NICN1: variants seen among roughly 807,000 people sequenced by gnomAD.
NICN1 encodes the protein nicolin-1.
Under a neutral mutation model 26.3 loss-of-function variants are expected in NICN1, and 18 were observed. That is an observed-to-expected ratio of 0.68 (90% CI 0.47 to 1.01). The LOEUF (loss-of-function observed/expected upper bound fraction) is 1.01, where lower values mean the gene tolerates loss of function less well. Ranked by LOEUF, NICN1 falls within the 50% of genes least tolerant of loss-of-function variation. The probability of loss-of-function intolerance (pLI) is 0.00; values close to 1 mark genes in which losing one functional copy is unlikely to be tolerated. For synonymous variants in NICN1, 109 were observed against 111.0 expected (o/e 0.98, Z 0.11); for missense variants, 239 against 278.3 (o/e 0.86, Z 1.00).
rs1307600684 is a variant in NICN1, at chr3:49,423,393, A to T, written c.*1440T>A. On this transcript the variant is annotated 3_prime_UTR_variant, in exon 6 of 6. Coordinates refer to ENST00000273598, the MANE Select transcript of NICN1 (RefSeq NM_032316.3). ...GCAGGACTTAGGCCTCTTAAAAGGC[A>T]ACAATGAGAACCCTTACTTGGACCC... is the stretch of plus-strand genomic sequence containing the variant. The T allele has an allele frequency of 6.6e-6, 1 of 152,300 alleles. No individual in the cohort carries two copies. The highest frequency in any genetic ancestry group is 2.4e-5 in the African/African-American group (1 of 41,472). The allele number at this position is 152,300 out of a possible 1,614,324, so 9.4% of individuals were successfully genotyped here. A position where few individuals can be genotyped will look rare whatever the true frequency, so the allele number is the denominator to read the frequency against.
At position 49,422,679 on chromosome 3, in the gene NICN1, G is replaced by A. The variant is rs995861547; in HGVS notation, c.*2154C>T. ...TTCGGCTGACTCTTCAGGGCAGCTC[G>A]GGCAATCCAGAGCTGATTGGGCTGC... is the stretch of plus-strand genomic sequence containing the variant. On this transcript the variant is annotated 3_prime_UTR_variant, in exon 6 of 6. Coordinates refer to ENST00000273598, the MANE Select transcript of NICN1 (RefSeq NM_032316.3). 9 of 681,806 alleles carry A rather than the reference G, an allele frequency of 1.3e-5. No homozygotes were observed. The highest frequency in any genetic ancestry group is 2.8e-5 in the East Asian group (1 of 35,996). The allele number at this position is 681,806 out of a possible 1,614,324, so 42.2% of individuals were successfully genotyped here.
intron 2 of NICN1, 99 bp downstream of exon 2, chr3:49,426,153 A>G (rs1175333645): frequency 1.1e-5 from 14 of 1,323,488 alleles, no homozygotes; most frequent in African/African-American, 1.4e-5. Context: ...AGTTCAGGCC[A>G]GACTGGCCCC....
chr3:49,422,501 G>A lies in NICN1; in HGVS notation c.*2332C>T. 3 of 1,569,912 alleles carry A rather than the reference G, an allele frequency of 1.9e-6. No homozygotes were observed. The highest frequency in any genetic ancestry group is 2.6e-6 in the Non-Finnish European group (3 of 1,146,922). On this transcript the variant is annotated 3_prime_UTR_variant, in exon 6 of 6. Coordinates refer to ENST00000273598, the MANE Select transcript of NICN1 (RefSeq NM_032316.3). ...CGCACAGAGGCCACCACACTGCCAG[G>A]CACGCCGGGAGATGTAGTCCAGGCC...
chr3:49,429,250 G>C lies in NICN1; in HGVS notation c.-11C>G, dbSNP rs765648502. On this transcript the variant is annotated 5_prime_UTR_variant, in exon 1 of 6. Transcript: ENST00000273598. ...CAAAACGCGGGACATGGTGACAGCA[G>C]CCGCAACTAAGTGCAACCGCCGCTC... 2 of 1,590,784 alleles carry C rather than the reference G, an allele frequency of 1.3e-6. No individual in the cohort carries two copies. The highest frequency in any genetic ancestry group is 1.7e-6 in the Non-Finnish European group (2 of 1,167,846).
chr3:49,425,542 A>T, intron 3 of NICN1, 104 bp from the exon 4 acceptor site: 1 of 909,764 alleles, frequency 1.1e-6, no homozygotes, highest in Non-Finnish European at 1.7e-6. Context: ...GGCCTCAGAC[A>T]CTGGGAAAAC....
rs1341601653 is a variant in NICN1, at chr3:49,423,875, G to A, written c.*958C>T. ...TTTTTTTGTTTGTTTGTTTAAGATG[G>A]AGTTTCGCTCTTCTTGCCCAGGCTG... On this transcript the variant is annotated 3_prime_UTR_variant, in exon 6 of 6. Coordinates refer to ENST00000273598, the MANE Select transcript of NICN1 (RefSeq NM_032316.3). 1 of 151,920 alleles carries A rather than the reference G, an allele frequency of 6.6e-6. No homozygotes were observed. The highest frequency in any genetic ancestry group is 1.5e-5 in the Non-Finnish European group (1 of 68,022). The allele number at this position is 151,920 out of a possible 1,614,324, so 9.4% of individuals were successfully genotyped here.
intron 1 of NICN1, among the ~76,000 whole-genome samples, chr3:49,427,049 C>T (rs1288173198): frequency 1.3e-5 from 2 of 152,116 alleles, no homozygotes; most frequent in South Asian, 2.1e-4. Context: ...TGGCCGGGCA[C>T]GGTGGCTCAA....
intron 1 of NICN1, 88 bp downstream of exon 1, chr3:49,429,020 C>T (rs2049197243): frequency 7.8e-7 from 1 of 1,287,388 alleles, no homozygotes; most frequent in Non-Finnish European, 1.1e-6. Context: ...AGAGGCTTTC[C>T]CATAAAAGAT....
Position 49,422,552 on chromosome 3 carries a change from A to G in NICN1, c.*2281T>C. 7.6e-7 allele frequency: 1 copy of G among 1,314,214 alleles called. No homozygotes were observed. Among genetic ancestry groups the G allele is most frequent in the South Asian group, 1.2e-5 (1 of 80,732 alleles). The allele number at this position is 1,314,214 out of a possible 1,614,324, so 81.4% of individuals were successfully genotyped here. ...TCTGCTCGGACAGGTCTCTCTCCGG[A>G]GCAAAGGATCTGAAGGGGGCGTGGG... On this transcript the variant is annotated 3_prime_UTR_variant, in exon 6 of 6. Transcript: ENST00000273598.
rs775547713 is a variant in NICN1, at chr3:49,424,918, GCAAGC to G, written c.600+26_600+30del. 5.0e-6 allele frequency: 8 copies of G among 1,612,858 alleles called. No homozygotes were observed. In the Admixed American group the frequency reaches 8.3e-5, roughly 17 times the overall value. On this transcript the variant is annotated intron_variant, in intron 5 of 5. Coordinates refer to ENST00000273598, the MANE Select transcript of NICN1 (RefSeq NM_032316.3). ...TCAGGTCTGATCTGCTCAGGGCAAA[GCAAGC>G]CAAGCAGAAGGAAGCGATTACTTAC...
At chr3:49,424,904 C>G in intron 5 of NICN1, 30 bp from the exon 6 acceptor site, 1 of 1,613,320 alleles carries the variant, frequency 6.2e-7, no homozygotes, top group Non-Finnish European at 8.5e-7. Context: ...CAGGTCTGAT[C>G]TGCTCAGGGC....
At chr3:49,428,764 T>C (rs1053208905) in intron 1 of NICN1, among the ~76,000 whole-genome samples, 1 of 149,122 alleles carries the variant, frequency 6.7e-6, no homozygotes, top group Non-Finnish European at 1.5e-5. Flanking sequence ...TTGGGGTAAA[T>C]CATTGCTTAG....
At position 49,425,022 on chromosome 3, in the gene NICN1, T is replaced by G. The variant is rs771195079; in HGVS notation, c.527A>C (p.Glu176Ala). Reference sequence around the variant, plus strand: ...TGTCAGTGCCCACATCTGCTGCACCTCGGAGGATACCCTGCTGGGGTCTGG... The same window carrying G: ...TGTCAGTGCCCACATCTGCTGCACCGCGGAGGATACCCTGCTGGGGTCTGG... ...GLPDPSRVSS[E>A]VQQMWALTEM... The change falls in exon 5 of 6, where the codon GAG (glutamate) becomes GCG (alanine). Residue 176 changes from glutamate (E) to alanine (A), a missense_variant. By Grantham distance (107) the Glu-to-Ala change is moderately radical. Coordinates refer to ENST00000273598, the MANE Select transcript of NICN1 (RefSeq NM_032316.3). 6.2e-6 allele frequency: 10 copies of G among 1,614,054 alleles called. No individual in the cohort carries two copies. Among genetic ancestry groups the G allele is most frequent in the Non-Finnish European group, 8.5e-6 (10 of 1,180,008 alleles).
At position 49,422,864 on chromosome 3, in the gene NICN1, G is replaced by C. The variant is rs1397484582; in HGVS notation, c.*1969C>G. The C allele has an allele frequency of 2.8e-6, 1 of 357,466 alleles. No homozygotes were observed. Among genetic ancestry groups the C allele is most frequent in the African/African-American group, 2.1e-5 (1 of 47,022 alleles). 22.1% of individuals were successfully genotyped at this position (357,466 alleles called of 1,614,324 possible). On this transcript the variant is annotated 3_prime_UTR_variant, in exon 6 of 6. Coordinates refer to ENST00000273598, the MANE Select transcript of NICN1 (RefSeq NM_032316.3). ...GAAGGTGGGCCAGCCTGGCAGGTAG[G>C]CAGCACCACAGTAGTCTGTCCTCAT... is the stretch of plus-strand genomic sequence containing the variant.
chr3:49,423,768 C>CA lies in NICN1; in HGVS notation c.*1064dup. The CA allele has an allele frequency of 6.6e-6, 1 of 151,654 alleles. No homozygotes were observed. The highest frequency in any genetic ancestry group is 1.5e-5 in the Non-Finnish European group (1 of 67,914). The allele number at this position is 151,654 out of a possible 1,614,324, so 9.4% of individuals were successfully genotyped here. ...CAAAACTCAACCTCAAAAAAAACAA[C>CA]AAAAAAGGAGAGGGGCAACTGGGAG... On this transcript the variant is annotated 3_prime_UTR_variant, in exon 6 of 6. Transcript: ENST00000273598.
At position 49,424,467 on chromosome 3, in the gene NICN1, T is replaced by G; in HGVS notation, c.*366A>C. 2.6e-6 allele frequency: 1 copy of G among 386,898 alleles called. No homozygotes were observed. Among genetic ancestry groups the G allele is most frequent in the Non-Finnish European group, 4.8e-6 (1 of 209,680 alleles). 24.0% of individuals were successfully genotyped at this position (386,898 alleles called of 1,614,324 possible). A position where few individuals can be genotyped will look rare whatever the true frequency, so the allele number is the denominator to read the frequency against. ...TTCCAGGTCCATACATGGAGCAGGT[T>G]TTAGTAGGTCAGCCCAGCCCAACTG... is the stretch of plus-strand genomic sequence containing the variant. On this transcript the variant is annotated 3_prime_UTR_variant, in exon 6 of 6. Coordinates refer to ENST00000273598, the MANE Select transcript of NICN1 (RefSeq NM_032316.3).
intron 1 of NICN1, 34 bp downstream of exon 1, chr3:49,429,074 G>T: frequency 6.4e-7 from 1 of 1,555,680 alleles, no homozygotes; most frequent in South Asian, 1.2e-5. Flanking sequence ...GGCCCCGCCC[G>T]GGAGCCTCGG....
Position 49,422,398 on chromosome 3 carries a change from A to G in NICN1, c.*2435T>C. The G allele has an allele frequency of 6.3e-7, 1 of 1,598,506 alleles. No homozygotes were observed. The highest frequency in any genetic ancestry group is 8.5e-7 in the Non-Finnish European group (1 of 1,174,488). Reference sequence around the variant, plus strand: ...AAGTGGACGACACAAGGCCGGGGGGAATGCCTGCAGGCGAAAGCCCAGACG... The same window carrying G: ...AAGTGGACGACACAAGGCCGGGGGGGATGCCTGCAGGCGAAAGCCCAGACG... On this transcript the variant is annotated 3_prime_UTR_variant, in exon 6 of 6. Transcript: ENST00000273598.
In NICN1 at chr3:49,425,736, T is replaced by C. The variant is rs2049164475; in HGVS notation, c.423+147A>G. On this transcript the variant is annotated intron_variant, in intron 3 of 5. Coordinates refer to ENST00000273598, the MANE Select transcript of NICN1 (RefSeq NM_032316.3). ...TATGGGGACATGGCCTCACCTCTCA[T>C]TGTGAGCTTCCAGCATTCACACCCA... is the stretch of plus-strand genomic sequence containing the variant. The C allele has an allele frequency of 5.2e-5, 31 of 600,458 alleles. 2 individuals are homozygous for C. In the South Asian group the frequency reaches 5.8e-4, roughly 11 times the overall value. 37.2% of individuals were successfully genotyped at this position (600,458 alleles called of 1,614,324 possible).
Sources: allele counts gnomAD v4.1 joint callset (sites outside exome capture counted in the v4.1 genomes callset), GRCh38; gene constraint gnomAD v4.1.1; transcripts MANE v1.5; gene names NCBI Gene and HGNC (gene_info 2026-07-23, HGNC 2026-07-21).